The following USP13 variants were observed in gnomAD, a reference collection of about 807,000 sequenced individuals.
The protein encoded by USP13 is ubiquitin specific peptidase 13, also known as ubiquitin carboxyl-terminal hydrolase 13.
USP13 carries 68 observed loss-of-function variants against 107.8 expected under a neutral mutation model. That is an observed-to-expected ratio of 0.63 (90% CI 0.52 to 0.77). The LOEUF (loss-of-function observed/expected upper bound fraction) is 0.77. Among genes scored for constraint, USP13 ranks in the 30% least tolerant of loss-of-function variants. The pLI is 0.00. For missense variants in USP13, 945 were observed against 1,093.3 expected, an observed-to-expected ratio of 0.86 and a Z score of 1.91; for synonymous variants, 377 against 389.5, an observed-to-expected ratio of 0.97 and a Z score of 0.38.
intron 2 of USP13, among the ~76,000 whole-genome samples, chr3:179,688,779 G>A (rs1400928223): frequency 6.6e-6 from 1 of 152,162 alleles, no homozygotes; most frequent in African/African-American, 2.4e-5. Flanking sequence ...GATTTCAGGG[G>A]ACCTCCAGGA....
intron 13 of USP13, among the ~76,000 whole-genome samples, chr3:179,750,294 ATATG>A (rs1337659863): frequency 7.8e-6 from 1 of 128,342 alleles, no homozygotes; most frequent in African/African-American, 3.5e-5. Flanking sequence ...ATAAATATAT[ATATG>A]TGTGTGTATA....
At chr3:179,674,083 G>T (rs1266635621) in intron 1 of USP13, among the ~76,000 whole-genome samples, 2 of 152,064 alleles carry the variant, frequency 1.3e-5, no homozygotes, top group Non-Finnish European at 2.9e-5. Context: ...AGTAGAGGCG[G>T]GGTTTCTCCA....
intron 1 of USP13, among the ~76,000 whole-genome samples, chr3:179,662,796 G>A (rs920811799): frequency 1.3e-5 from 2 of 152,110 alleles, no homozygotes; most frequent in African/African-American, 4.8e-5. Context: ...CATGTTCTCT[G>A]CTCATTTTGG....
At chr3:179,703,466 G>T (rs754014226) in intron 4 of USP13, among the ~76,000 whole-genome samples, 1 of 152,196 alleles carries the variant, frequency 6.6e-6, no homozygotes, top group Non-Finnish European at 1.5e-5. Flanking sequence ...TCTGGGTGAT[G>T]CTGGGTTCAC....
intron 4 of USP13, among the ~76,000 whole-genome samples, chr3:179,702,931 T>A (rs1188855874): frequency 5.9e-5 from 9 of 152,330 alleles, no homozygotes; most frequent in Admixed American, 1.3e-4. Flanking sequence ...TGTGAATAAA[T>A]GTTATGATAA....
intron 12 of USP13, among the ~76,000 whole-genome samples, chr3:179,744,363 TTG>T: frequency 5.3e-5 from 8 of 150,628 alleles, no homozygotes; most frequent in African/African-American, 1.8e-4. Context: ...TTGTTTTGTT[TTG>T]TTTTTTTCTG....
chr3:179,765,698 A>C lies in USP13; in HGVS notation c.2263A>C (p.Asn755His). 1 of 1,613,762 alleles carries C rather than the reference A, an allele frequency of 6.2e-7. No homozygotes were observed. The highest frequency in any genetic ancestry group is 8.5e-7 in the Non-Finnish European group (1 of 1,179,898). The change falls in exon 19 of 21, where the codon AAT (asparagine) becomes CAT (histidine). Residue 755 changes from asparagine (N) to histidine (H), a missense_variant. Coordinates refer to ENST00000263966, the MANE Select transcript of USP13 (RefSeq NM_003940.3). ...TCTGTTTCTTTTTTGTTGTTAGAAT[A>C]ATAACCTGGAAAGAGCACTGGATTG... is the stretch of plus-strand genomic sequence containing the variant. ...QAIQALRATN[N>H]NLERALDWIF...
chr3:179,714,603 A>G (rs1431487635), intron 6 of USP13, among the ~76,000 whole-genome samples: 3 of 152,208 alleles, frequency 2.0e-5, no homozygotes, highest in African/African-American at 7.2e-5. Context: ...ATTATGGAGC[A>G]AACAAATGGA....
rs1190810103 is a variant in USP13, at chr3:179,711,554, CA to C, written c.805+2598del. ...TATCTTTATTTTATAAGCTTTTTTC[CA>C]TTTTTATTTTGCTTTTTAAACGTTT... On this transcript the variant is annotated intron_variant, in intron 6 of 20. Transcript: ENST00000263966. 4.2e-4 allele frequency among the ~76,000 whole-genome samples: 64 copies of C among 152,108 alleles called. 1 individual carries two copies. Among genetic ancestry groups the C allele is most frequent in the Non-Finnish European group, 1.0e-4 (7 of 68,006 alleles).
intron 19 of USP13, among the ~76,000 whole-genome samples, chr3:179,769,818 CCCTT>C (rs1715291338): frequency 6.6e-6 from 1 of 152,222 alleles, no homozygotes; most frequent in Non-Finnish European, 1.5e-5. Flanking sequence ...CTCCTTCCAT[CCCTT>C]CCTTCTTTCC....
At chr3:179,780,200 T>C (rs1473513178) in intron 19 of USP13, among the ~76,000 whole-genome samples, 1 of 152,270 alleles carries the variant, frequency 6.6e-6, no homozygotes, top group African/African-American at 2.4e-5. Flanking sequence ...TTGACACTTC[T>C]GTTTAACATT....
At chr3:179,656,018 C>T (rs1314315254) in intron 1 of USP13, among the ~76,000 whole-genome samples, 1 of 152,112 alleles carries the variant, frequency 6.6e-6, no homozygotes, top group East Asian at 1.9e-4. Context: ...CACGGGATGT[C>T]TTAGGGAAAA....
intron 6 of USP13, among the ~76,000 whole-genome samples, chr3:179,716,909 T>A (rs554572875): frequency 2.0e-5 from 3 of 152,342 alleles, no homozygotes; most frequent in Non-Finnish European, 2.9e-5. Context: ...AATTTTTTTT[T>A]AATCTTTTTT....
intron 8 of USP13, 87 bp from the exon 9 acceptor site, chr3:179,730,102 A>G (rs1713745440): frequency 1.6e-6 from 2 of 1,233,486 alleles, no homozygotes; most frequent in Admixed American, 2.0e-5. Context: ...AAGGGGCAAG[A>G]AGGTCTTAGC....
chr3:179,669,155 C>T (rs763367552), intron 1 of USP13, among the ~76,000 whole-genome samples: 4 of 152,108 alleles, frequency 2.6e-5, no homozygotes, highest in Admixed American at 2.0e-4. Flanking sequence ...TGGGCTAGTG[C>T]GCTCTATCCT....
intron 1 of USP13, among the ~76,000 whole-genome samples, chr3:179,654,584 G>T (rs1484856948): frequency 6.6e-6 from 1 of 152,180 alleles, no homozygotes; most frequent in Non-Finnish European, 1.5e-5. Context: ...TGAGGACCAG[G>T]TTATTTTTAT....
rs776685040 is a variant in USP13 at position 179,764,159 on chromosome 3, A to G, written c.2250A>G (p.Leu750=). 3.7e-6 allele frequency: 6 copies of G among 1,609,476 alleles called. No individual in the cohort carries two copies. The African/African-American group carries it at 6.8e-5, about 18-fold the overall frequency. The change falls in exon 18 of 21, where the codon CTA becomes CTG. Residue 750 remains leucine, a synonymous_variant. Coordinates refer to ENST00000263966, the MANE Select transcript of USP13 (RefSeq NM_003940.3). The stretch of plus-strand genomic sequence containing the variant: ...AGCGAAATCAGGCTATTCAGGCACT[A>G]CGAGCAACGGTGAGCATGAGAGACT... ...GFQRNQAIQA[L]RATNNNLERA...
intron 19 of USP13, among the ~76,000 whole-genome samples, chr3:179,773,577 G>T (rs1454490470): frequency 6.6e-6 from 1 of 152,158 alleles, no homozygotes; most frequent in Non-Finnish European, 1.5e-5. Flanking sequence ...CAAAAGGCAA[G>T]ATCATGACTT....
chr3:179,738,416 T>G (rs1714067386), intron 10 of USP13, among the ~76,000 whole-genome samples: 1 of 152,258 alleles, frequency 6.6e-6, no homozygotes, highest in Admixed American at 6.5e-5. Flanking sequence ...AGAGCCACTC[T>G]GGTTAGGCTT....
Sources: allele counts gnomAD v4.1 joint callset (sites outside exome capture counted in the v4.1 genomes callset), GRCh38; gene constraint gnomAD v4.1.1; transcripts MANE v1.5; gene names NCBI Gene and HGNC (gene_info 2026-07-23, HGNC 2026-07-21).